Variants in MYH11 observed in about 807,000 individuals in gnomAD.
MYH11 encodes the protein myosin-11.
In MYH11, 80 loss-of-function variants were observed where a neutral mutation model predicts 246.6. The ratio of observed to expected loss-of-function variants is 0.32; its 90% CI spans 0.27 to 0.39. MYH11 has a LOEUF of 0.39. MYH11 is among the 10% of genes least tolerant of loss of function. The probability of loss-of-function intolerance (pLI) is 1.00; values close to 1 mark genes in which losing one functional copy is unlikely to be tolerated. For missense variants in MYH11, 2,158 were observed against 2,546.8 expected (o/e 0.85, Z 3.29); for synonymous variants, 1,071 against 1,015.5 (o/e 1.05, Z -1.04).
At chr16:15,735,273 G>T in intron 26 of MYH11, 93 bp downstream of exon 26, 1 of 1,367,596 alleles carries the variant, frequency 7.3e-7, no homozygotes, top group Non-Finnish European at 1.0e-6. Flanking sequence ...CACAGGGGCT[G>T]ATGCACGATT....
intron 36 of MYH11, 91 bp from the exon 37 acceptor site, chr16:15,718,529 CTCA>C (rs2040294009): frequency 6.7e-7 from 1 of 1,487,674 alleles, no homozygotes; most frequent in Non-Finnish European, 9.0e-7. Flanking sequence ...GGGTATTGCC[CTCA>C]TCATCTAATG....
chr16:15,793,945 CTTTTTTT>C (rs61625627), intron 4 of MYH11, among the ~76,000 whole-genome samples: 1 of 70,230 alleles, frequency 1.4e-5, no homozygotes, highest in Non-Finnish European at 2.7e-5. Context: ...CTTTTCTTTT[CTTTTTTT>C]TTTTTTTTTG....
intron 40 of MYH11, among the ~76,000 whole-genome samples, chr16:15,712,689 A>G (rs1173005997): frequency 6.6e-6 from 1 of 151,978 alleles, no homozygotes; most frequent in African/African-American, 2.4e-5. Context: ...ACAACCCCAC[A>G]GGTCGGGGGA....
At chr16:15,820,305 T>A (rs961808402) in intron 3 of MYH11, among the ~76,000 whole-genome samples, 1 of 151,942 alleles carries the variant, frequency 6.6e-6, no homozygotes, top group African/African-American at 2.4e-5. Flanking sequence ...TGAAACCCCA[T>A]CTCTACTAAA....
intron 2 of MYH11, among the ~76,000 whole-genome samples, chr16:15,825,890 G>C (rs2043550798): frequency 6.6e-6 from 1 of 152,016 alleles, no homozygotes; most frequent in African/African-American, 2.4e-5. Flanking sequence ...ATAAACATCA[G>C]TACTGCCCAA....
chr16:15,771,976 C>A (rs1218298977), intron 8 of MYH11, among the ~76,000 whole-genome samples: 1 of 151,536 alleles, frequency 6.6e-6, no homozygotes, highest in Non-Finnish European at 1.5e-5. Flanking sequence ...ATCCCTGGCA[C>A]GAAGTTACAT....
chr16:15,763,517 G>A (rs574918973), intron 10 of MYH11, among the ~76,000 whole-genome samples: 34 of 151,946 alleles, frequency 2.2e-4, no homozygotes, highest in South Asian at 1.9e-3. Context: ...GCGAGACCTC[G>A]TCTCTATTAA....
intron 1 of MYH11, among the ~76,000 whole-genome samples, chr16:15,853,244 C>T (rs750206865): frequency 6.6e-6 from 1 of 152,070 alleles, no homozygotes; most frequent in Non-Finnish European, 1.5e-5. Context: ...CTCCTGGGCT[C>T]AAGCAATCCT....
At chr16:15,851,085 G>T (rs1387209548) in intron 1 of MYH11, among the ~76,000 whole-genome samples, 1 of 152,010 alleles carries the variant, frequency 6.6e-6, no homozygotes, top group East Asian at 1.9e-4. Flanking sequence ...ACGAATGAAT[G>T]AATGCCACAC....
chr16:15,742,237 T>G (rs757924958), intron 20 of MYH11: 30 of 409,318 alleles, frequency 7.3e-5, no homozygotes, highest in Admixed American at 2.9e-4. Flanking sequence ...CTTCCCCACT[T>G]TAGAACCATC....
rs12935582 is a variant in MYH11 at position 15,747,982 on chromosome 16, G to A, written c.2181-39C>T. 0.045 allele frequency: 72,342 copies of A among 1,614,098 alleles called. 2,508 individuals carry two copies. The highest frequency in any genetic ancestry group is 0.15 in the African/African-American group (11,037 of 75,012). ...GCAGAAGTCACCCCGGGTACCTCCA[G>A]CATCCATTCCTCCACCCAGTCCCGC... On this transcript the variant is annotated intron_variant, in intron 17 of 40. Transcript: ENST00000300036.
intron 36 of MYH11, 48 bp downstream of exon 36, chr16:15,719,171 TC>T (rs771797012): frequency 3.3e-6 from 5 of 1,530,760 alleles, no homozygotes; most frequent in South Asian, 1.1e-5. Context: ...ATGCTGCCTG[TC>T]CCCCCATCCT....
chr16:15,719,733 G>C lies in MYH11; in HGVS notation c.4954-20C>G, dbSNP rs1326940710. 7 of 1,613,902 alleles carry C rather than the reference G, an allele frequency of 4.3e-6. No individual in the cohort carries two copies. The African/African-American group carries it at 6.7e-5, about 15-fold the overall frequency. ...CTGAGCCTGCATGAGTCAACAGGGA[G>C]GACAAGCTCAGATGTCCTTACTCCC... On this transcript the variant is annotated intron_variant, in intron 34 of 40. Coordinates refer to ENST00000300036, the MANE Select transcript of MYH11 (RefSeq NM_002474.3).
intron 27 of MYH11, 27 bp downstream of exon 27, chr16:15,732,534 TCAC>T (rs752933213): frequency 6.2e-7 from 1 of 1,613,804 alleles, no homozygotes; most frequent in Non-Finnish European, 8.5e-7. Context: ...TTATGTGTCA[TCAC>T]CAAAAAGCAT....
intron 19 of MYH11, among the ~76,000 whole-genome samples, chr16:15,745,490 A>C (rs1449728820): frequency 1.3e-5 from 2 of 152,136 alleles, no homozygotes; most frequent in African/African-American, 4.8e-5. Context: ...GCTGAGATCC[A>C]AACACCACTC....
At chr16:15,803,913 C>T (rs76407985) in intron 3 of MYH11, among the ~76,000 whole-genome samples, 8,047 of 152,192 alleles carry the variant, frequency 0.053, 319 homozygotes, top group Non-Finnish European at 0.083. Context: ...CACTTCCAGG[C>T]GTGGGAAGCT....
Position 15,764,095 on chromosome 16 carries a change from C to T in MYH11, c.1034-204G>A, listed in dbSNP as rs1026706396. 2.6e-5 allele frequency among the ~76,000 whole-genome samples: 4 copies of T among 152,314 alleles called. No homozygotes were observed. In the South Asian group the frequency reaches 6.2e-4, roughly 24 times the overall value. On this transcript the variant is annotated intron_variant, in intron 9 of 40. Coordinates refer to ENST00000300036, the MANE Select transcript of MYH11 (RefSeq NM_002474.3). ...CCACGCAGCAGGGACTGGCAAATTACAGCCCATGGACCAAATCTGGCCCAC... is the reference window on the plus strand; with the variant it reads ...CCACGCAGCAGGGACTGGCAAATTATAGCCCATGGACCAAATCTGGCCCAC...
chr16:15,855,925 G>A (rs971790043), intron 1 of MYH11, among the ~76,000 whole-genome samples: 2 of 152,174 alleles, frequency 1.3e-5, no homozygotes, highest in African/African-American at 4.8e-5. Context: ...CCCACCTTGG[G>A]TTTCTAAATA....
chr16:15,706,671 C>T (rs1294683704), intron 40 of MYH11, among the ~76,000 whole-genome samples: 1 of 151,304 alleles, frequency 6.6e-6, no homozygotes, highest in Non-Finnish European at 1.5e-5. Flanking sequence ...TGTGCCACTG[C>T]ACTCCAGCCT....
Sources: gnomAD v4.1 joint callset for allele counts (sites outside exome capture counted in the v4.1 genomes callset) on GRCh38, gnomAD v4.1.1 for gene constraint, MANE v1.5 for transcripts, NCBI Gene and HGNC (gene_info 2026-07-23, HGNC 2026-07-21) for gene names.